The following DRC9 variants were observed in gnomAD, a reference collection of about 807,000 sequenced individuals.
The protein encoded by DRC9 is dynein regulatory complex protein 9.
At chr3:197,946,706 C>T in the DRC9 span, among the ~76,000 whole-genome samples, 2 of 152,188 alleles carry the variant, frequency 1.3e-5, no homozygotes, top group Non-Finnish European at 2.9e-5. Flanking sequence ...AATTCAAACA[C>T]ACAAAACAGA....
At chr3:197,889,636 T>C in the DRC9 span, 1 of 1,614,222 alleles carries the variant, frequency 6.2e-7, no homozygotes, top group East Asian at 2.2e-5. Context: ...TTTGAATCCT[T>C]GCTATCAACT....
the DRC9 span, among the ~76,000 whole-genome samples, chr3:197,896,803 G>C: frequency 6.6e-5 from 10 of 152,212 alleles, no homozygotes; most frequent in Non-Finnish European, 1.5e-4. Flanking sequence ...TATCACCTTG[G>C]GAATTTGGAT....
the DRC9 span, among the ~76,000 whole-genome samples, chr3:197,953,289 T>C: frequency 6.6e-6 from 1 of 152,184 alleles, no homozygotes; most frequent in Non-Finnish European, 1.5e-5. Context: ...GGTGGGAGGA[T>C]TGCTTGATGC....
At chr3:197,920,070 G>A in the DRC9 span, among the ~76,000 whole-genome samples, 1 of 151,496 alleles carries the variant, frequency 6.6e-6, no homozygotes, top group Non-Finnish European at 1.5e-5. Context: ...TTAGCCAAGT[G>A]TGGTGGCGTG....
chr3:197,933,376 G>A, the DRC9 span, among the ~76,000 whole-genome samples: 1 of 151,946 alleles, frequency 6.6e-6, no homozygotes, highest in African/African-American at 2.4e-5. Flanking sequence ...AGAAGGCAGA[G>A]GTTACAGTGA....
the DRC9 span, among the ~76,000 whole-genome samples, chr3:197,901,499 C>T: frequency 6.6e-6 from 1 of 152,252 alleles, no homozygotes; most frequent in Non-Finnish European, 1.5e-5. The surrounding 1 kb of genome is among the most constrained non-coding windows in gnomAD (Gnocchi z 4.4). Context: ...TAGCCCACTC[C>T]CCTGAAGAGT....
At chr3:197,930,067 T>G in the DRC9 span, among the ~76,000 whole-genome samples, 1 of 151,704 alleles carries the variant, frequency 6.6e-6, no homozygotes, top group Non-Finnish European at 1.5e-5. Flanking sequence ...TAGAAATATA[T>G]GAGAAGGCCA....
the DRC9 span, among the ~76,000 whole-genome samples, chr3:197,904,604 C>G: frequency 6.6e-6 from 1 of 152,164 alleles, no homozygotes; most frequent in East Asian, 1.9e-4. Context: ...GTGGCTCATG[C>G]CTGTAATCCC....
the DRC9 span, among the ~76,000 whole-genome samples, chr3:197,929,780 G>A: frequency 2.6e-5 from 4 of 151,592 alleles, no homozygotes; most frequent in Admixed American, 2.6e-4. This position sits in a 1 kb window ranked among gnomAD's most constrained non-coding sequence, Gnocchi z 4.6. Context: ...AAAAAATTTA[G>A]ATGTAAATTA....
the DRC9 span, chr3:197,945,730 G>A: frequency 1.3e-6 from 1 of 770,692 alleles, no homozygotes. Context: ...TGGGCGTCTT[G>A]AATGATGTTT....
At chr3:197,954,350 G>A in the DRC9 span, 4 of 618,270 alleles carry the variant, frequency 6.5e-6, no homozygotes, top group African/African-American at 1.9e-5. Context: ...TTTTTTTGGG[G>A]GGAGACAGGG....
At chr3:197,957,834 A>G in the DRC9 span, 1 of 152,214 alleles carries the variant, frequency 6.6e-6, no homozygotes, top group Admixed American at 6.5e-5. Flanking sequence ...ATTCAGGGAT[A>G]GAGGCATGTA....
At chr3:197,922,281 T>C in the DRC9 span, among the ~76,000 whole-genome samples, 3 of 152,170 alleles carry the variant, frequency 2.0e-5, no homozygotes, top group African/African-American at 7.2e-5. Context: ...CAGGAGCAAG[T>C]GTTGTTGCTG....
chr3:197,946,422 G>A, the DRC9 span, among the ~76,000 whole-genome samples: 371 of 132,224 alleles, frequency 2.8e-3, no homozygotes, highest in African/African-American at 0.011. Context: ...GCGACAGAGC[G>A]AGACTCCGTC....
chr3:197,937,151 G>A, the DRC9 span, among the ~76,000 whole-genome samples: 1 of 152,154 alleles, frequency 6.6e-6, no homozygotes, highest in Non-Finnish European at 1.5e-5. Context: ...TTAGCTAGTG[G>A]TCCTGCGTAA....
At chr3:197,936,335 A>G in the DRC9 span, among the ~76,000 whole-genome samples, 1 of 152,084 alleles carries the variant, frequency 6.6e-6, no homozygotes, top group African/African-American at 2.4e-5. Context: ...AAATTCATAA[A>G]GAGTTGTAGT....
the DRC9 span, chr3:197,960,127 C>A: frequency 9.8e-7 from 1 of 1,024,924 alleles, no homozygotes; most frequent in Non-Finnish European, 1.4e-6. Context: ...GTGACGCTGT[C>A]CAATCGGAAA....
the DRC9 span, among the ~76,000 whole-genome samples, chr3:197,933,026 A>C: frequency 1.4e-5 from 2 of 140,398 alleles, no homozygotes; most frequent in African/African-American, 5.3e-5. Flanking sequence ...TTAATATAAA[A>C]TATTATATAT....
the DRC9 span, among the ~76,000 whole-genome samples, chr3:197,890,739 C>T: frequency 1.3e-5 from 2 of 152,194 alleles, no homozygotes; most frequent in Non-Finnish European, 2.9e-5. Context: ...TTGATAAATA[C>T]TTGCTACTTA....
Sources: allele counts gnomAD v4.1 joint callset (sites outside exome capture counted in the v4.1 genomes callset), GRCh38; gene constraint gnomAD v4.1.1; non-coding constraint Gnocchi (gnomAD v3.1); transcripts MANE v1.5; gene names NCBI Gene and HGNC (gene_info 2026-07-23, HGNC 2026-07-21).